RADX: variants seen among roughly 807,000 people sequenced by gnomAD.
RADX encodes the protein RPA1 related single stranded DNA binding protein, X-linked.
RADX carries 36 observed loss-of-function variants against 61.6 expected under a neutral mutation model. The ratio of observed to expected loss-of-function variants is 0.58; its 90% CI spans 0.45 to 0.77. The LOEUF is 0.77. Ranked by LOEUF, RADX falls within the 30% of genes least tolerant of loss-of-function variation. RADX has a pLI of 0.00. For missense variants in RADX, 497 were observed against 651.1 expected (o/e 0.76, Z 2.58); for synonymous variants, 272 against 237.9 (o/e 1.14, Z -1.32).
chrX:106,652,051 T>C (rs922759014), intron 11 of RADX, among the ~76,000 whole-genome samples: 11 of 109,899 alleles, frequency 1.0e-4, no homozygotes, highest in African/African-American at 3.3e-4. Context: ...CAAAATGATA[T>C]AGCTGAGATA....
chrX:106,622,395 G>C (rs933349958), intron 1 of RADX, among the ~76,000 whole-genome samples: 7 of 110,049 alleles, frequency 6.4e-5, no homozygotes, highest in African/African-American at 2.3e-4. Context: ...GGGCATTCTA[G>C]GTGGGACAAT....
chrX:106,631,651 G>A (rs1463431418), intron 3 of RADX, among the ~76,000 whole-genome samples: 4 of 100,562 alleles, frequency 4.0e-5, no homozygotes, highest in Non-Finnish European at 4.0e-5. Flanking sequence ...AGCCATGATT[G>A]TATGATTGTG....
intron 8 of RADX, chrX:106,638,527 G>T (rs1454326485): frequency 8.9e-6 from 1 of 111,972 alleles, no homozygotes; most frequent in African/African-American, 3.2e-5. Context: ...CTCCCAAAGT[G>T]CTGGGATTAC....
intron 12 of RADX, among the ~76,000 whole-genome samples, chrX:106,668,106 T>G (rs1315114326): frequency 1.8e-5 from 2 of 111,786 alleles, no homozygotes; most frequent in Non-Finnish European, 3.8e-5. Context: ...GGCCTTTAGC[T>G]GTATGTTAAG....
chrX:106,657,515 T>C (rs1025981125), intron 11 of RADX, among the ~76,000 whole-genome samples: 1 of 112,434 alleles, frequency 8.9e-6, no homozygotes, highest in Non-Finnish European at 1.9e-5. Context: ...TTTCAGCCTA[T>C]CTTGTTTTTT....
At chrX:106,650,514 G>T (rs946174699) in intron 11 of RADX, among the ~76,000 whole-genome samples, 14 of 110,666 alleles carry the variant, frequency 1.3e-4, no homozygotes, top group African/African-American at 4.6e-4. Flanking sequence ...ACACATGGAA[G>T]AATTTATACC....
intron 2 of RADX, 52 bp from the exon 3 acceptor site, chrX:106,625,038 G>A (rs1462373260): frequency 1.2e-6 from 1 of 859,015 alleles, no homozygotes; most frequent in African/African-American, 2.0e-5. Flanking sequence ...TATATTATCT[G>A]TACAGATAAA....
chrX:106,634,140 C>CAG (rs1556296445), intron 6 of RADX, among the ~76,000 whole-genome samples: 1 of 110,145 alleles, frequency 9.1e-6, no homozygotes, highest in Non-Finnish European at 1.9e-5. Flanking sequence ...TATCTGTATA[C>CAG]ATATATATAT....
chrX:106,665,711 T>C (rs745852132), intron 12 of RADX, among the ~76,000 whole-genome samples: 6 of 112,095 alleles, frequency 5.4e-5, no homozygotes, highest in Admixed American at 2.8e-4. Flanking sequence ...CTCTGCAATA[T>C]CTTGCAAGTC....
chrX:106,666,547 G>A (rs1475750484), intron 12 of RADX, among the ~76,000 whole-genome samples: 1 of 111,860 alleles, frequency 8.9e-6, no homozygotes, highest in Non-Finnish European at 1.9e-5. Context: ...GAGCCCACAG[G>A]CTAATACCAA....
chrX:106,658,987 G>A (rs1449291955), intron 11 of RADX, among the ~76,000 whole-genome samples: 1 of 106,944 alleles, frequency 9.4e-6, no homozygotes, highest in Non-Finnish European at 1.9e-5. Flanking sequence ...TTGAGACAGA[G>A]TCTTGCTATG....
chrX:106,628,139 AG>A (rs1344742477), intron 3 of RADX, among the ~76,000 whole-genome samples: 1 of 111,656 alleles, frequency 9.0e-6, no homozygotes, highest in Admixed American at 9.6e-5. Context: ...CCTGGCTGGA[AG>A]GTGATTAGTT....
chrX:106,640,105 A>G (rs1278761511), intron 9 of RADX, among the ~76,000 whole-genome samples: 1 of 109,330 alleles, frequency 9.1e-6, no homozygotes, highest in Non-Finnish European at 1.9e-5. Context: ...TGTCCAGGCC[A>G]GTACTACAGG....
At chrX:106,617,020 GTTTTTTTTTTTT>G (rs60413185) in intron 1 of RADX, among the ~76,000 whole-genome samples, 1 of 54,544 alleles carries the variant, frequency 1.8e-5, no homozygotes. Context: ...GTGTGTGTGG[GTTTTTTTTTTTT>G]TTTTTTTTTT....
chrX:106,633,838 A>T (rs901983008), intron 6 of RADX, among the ~76,000 whole-genome samples: 1 of 111,689 alleles, frequency 9.0e-6, no homozygotes, highest in African/African-American at 3.3e-5. Context: ...AGTTTTATTT[A>T]TTTGAAATTA....
Position 106,651,931 on chromosome X carries a change from C to T in RADX, c.1978+3545C>T, listed in dbSNP as rs192500527. The stretch of plus-strand genomic sequence containing the variant: ...GCATGGTGGCTTATGTCTGTGATTC[C>T]TGCACTTGGGGAGTCTGAGACAGGA... On this transcript the variant is annotated intron_variant, in intron 11 of 13. Transcript: ENST00000372548. Among the ~76,000 whole-genome samples the T allele has an allele frequency of 4.9e-3, 545 of 110,230 alleles. 3 individuals carry two copies. The highest frequency in any genetic ancestry group is 7.8e-3 in the Non-Finnish European group (411 of 52,780).
At chrX:106,631,827 GAA>G (rs1927237463) in intron 3 of RADX, among the ~76,000 whole-genome samples, 1 of 106,073 alleles carries the variant, frequency 9.4e-6, no homozygotes, top group South Asian at 4.1e-4. Context: ...AAGAAAGAAA[GAA>G]AAGAAAGAAA....
At chrX:106,624,935 A>G (rs1302513544) in intron 2 of RADX, among the ~76,000 whole-genome samples, 155 bp from the exon 3 acceptor site, 1 of 111,990 alleles carries the variant, frequency 8.9e-6, no homozygotes, top group Non-Finnish European at 1.9e-5. Flanking sequence ...GATGATCAAT[A>G]TTAGCAAAAT....
chrX:106,614,953 A>G (rs996666860), intron 1 of RADX, among the ~76,000 whole-genome samples: 24 of 111,547 alleles, frequency 2.2e-4, no homozygotes, highest in African/African-American at 7.2e-4. Context: ...ACATTTCTGT[A>G]TCTTGTTACC....
Sources: allele counts gnomAD v4.1 joint callset (sites outside exome capture counted in the v4.1 genomes callset), GRCh38; gene constraint gnomAD v4.1.1; transcripts MANE v1.5; gene names NCBI Gene and HGNC (gene_info 2026-07-23, HGNC 2026-07-21).